IPO11: variants seen among roughly 807,000 people sequenced by gnomAD.
IPO11 encodes importin-11.
A neutral mutation model predicts 143.2 loss-of-function variants in IPO11; 66 were observed. The ratio of observed to expected loss-of-function variants is 0.46; its 90% CI spans 0.38 to 0.57. The LOEUF (loss-of-function observed/expected upper bound fraction) is 0.57, where lower values mean the gene tolerates loss of function less well. IPO11 is among the 20% of genes least tolerant of loss of function. The pLI is 0.00. For synonymous variants in IPO11, 385 were observed against 377.8 expected (o/e 1.02, Z -0.22); for missense variants, 1,026 against 1,141.0 (o/e 0.90, Z 1.45).
At chr5:62,503,745 C>T (rs938961534) in intron 16 of IPO11, among the ~76,000 whole-genome samples, 8 of 152,098 alleles carry the variant, frequency 5.3e-5, no homozygotes, top group Non-Finnish European at 1.2e-4. Context: ...TTAGAATCTG[C>T]GGATTTGGCA....
intron 9 of IPO11, 42 bp downstream of exon 9, chr5:62,476,795 T>G (rs758461547): frequency 7.0e-7 from 1 of 1,434,602 alleles, no homozygotes; most frequent in South Asian, 1.4e-5. Context: ...ATAATACACA[T>G]ATTCAGATTT....
chr5:62,598,549 C>CTTTCT (rs1301094879), intron 28 of IPO11, among the ~76,000 whole-genome samples: 1 of 12,206 alleles, frequency 8.2e-5, no homozygotes, highest in African/African-American at 1.0e-3. Flanking sequence ...TCTTTCTTTT[C>CTTTCT]TTTCTTTTTT....
At chr5:62,463,237 G>T (rs1745437553) in intron 5 of IPO11, among the ~76,000 whole-genome samples, 1 of 151,930 alleles carries the variant, frequency 6.6e-6, no homozygotes, top group African/African-American at 2.4e-5. Flanking sequence ...GTAGAAAAAG[G>T]GTCTCACTTT....
intron 1 of IPO11, among the ~76,000 whole-genome samples, chr5:62,425,840 A>C (rs867298997): frequency 6.6e-6 from 1 of 152,230 alleles, no homozygotes; most frequent in Non-Finnish European, 1.5e-5. Flanking sequence ...AAAGTAAATA[A>C]TACATTAGAC....
intron 29 of IPO11, among the ~76,000 whole-genome samples, chr5:62,607,216 A>G (rs1745755028): frequency 6.6e-6 from 1 of 152,216 alleles, no homozygotes; most frequent in Admixed American, 6.5e-5. Flanking sequence ...TTTTGGATCT[A>G]GAAGCTTTCT....
intron 22 of IPO11, among the ~76,000 whole-genome samples, chr5:62,534,016 A>G (rs915374019): frequency 6.6e-6 from 1 of 152,022 alleles, no homozygotes; most frequent in African/African-American, 2.4e-5. Context: ...TAAAGCCAAC[A>G]TTATAGAACA....
intron 27 of IPO11, among the ~76,000 whole-genome samples, chr5:62,573,900 A>G (rs1270180730): frequency 2.0e-5 from 3 of 152,118 alleles, no homozygotes; most frequent in African/African-American, 7.2e-5. Context: ...GAGTTCCCTT[A>G]GGGGTTATTT....
At chr5:62,551,019 G>GTATATATA (rs373267363) in intron 25 of IPO11, among the ~76,000 whole-genome samples, 61 of 144,350 alleles carry the variant, frequency 4.2e-4, no homozygotes, top group African/African-American at 1.3e-3. Context: ...TCTCTTTATT[G>GTATATATA]TATATATATA....
intron 27 of IPO11, among the ~76,000 whole-genome samples, chr5:62,589,684 G>A (rs940001416): frequency 6.6e-6 from 1 of 152,098 alleles, no homozygotes; most frequent in Non-Finnish European, 1.5e-5. Flanking sequence ...ACTGCCCTGG[G>A]CAATAATGAT....
At chr5:62,518,286 A>C (rs2112291391) in intron 20 of IPO11, among the ~76,000 whole-genome samples, 1 of 152,246 alleles carries the variant, frequency 6.6e-6, no homozygotes, top group East Asian at 1.9e-4. Flanking sequence ...TCTACTAAAA[A>C]TACAAAACTT....
At chr5:62,489,403 T>G in intron 14 of IPO11, 54 bp downstream of exon 14, 1 of 1,283,522 alleles carries the variant, frequency 7.8e-7, no homozygotes, top group South Asian at 1.4e-5. Flanking sequence ...AGATGGAGAG[T>G]CTGTTTTGTG....
chr5:62,550,212 T>C lies in IPO11; in HGVS notation c.2251-155T>C, dbSNP rs45560731. Among the ~76,000 whole-genome samples, 661 of 152,308 alleles carry C rather than the reference T, an allele frequency of 4.3e-3. 3 individuals are homozygous for C. Among genetic ancestry groups the C allele is most frequent in the Non-Finnish European group, 7.5e-3 (512 of 68,016 alleles). On this transcript the variant is annotated intron_variant, in intron 24 of 29. Transcript: ENST00000325324. Reference sequence around the variant, plus strand: ...TTTAAAATGGATTATCTTGTAAAAGTGTGTCTAGTGTCAGAATATTGCATA... The same window carrying C: ...TTTAAAATGGATTATCTTGTAAAAGCGTGTCTAGTGTCAGAATATTGCATA...
intron 1 of IPO11, among the ~76,000 whole-genome samples, chr5:62,419,390 A>G (rs931563407): frequency 5.9e-5 from 9 of 152,198 alleles, no homozygotes; most frequent in Non-Finnish European, 1.0e-4. Flanking sequence ...TAGTTTATAA[A>G]CTTTTTGTCT....
intron 29 of IPO11, among the ~76,000 whole-genome samples, chr5:62,620,315 T>C (rs560763646): frequency 1.1e-4 from 16 of 151,944 alleles, no homozygotes; most frequent in Admixed American, 3.3e-4. Context: ...GTCAGGAGAT[T>C]GAGACCATTC....
intron 24 of IPO11, among the ~76,000 whole-genome samples, chr5:62,539,375 G>T (rs1244339915): frequency 6.6e-6 from 1 of 152,108 alleles, no homozygotes; most frequent in African/African-American, 2.4e-5. Flanking sequence ...CTGTGTCTCT[G>T]TTTTGTTTTT....
At chr5:62,517,191 C>G (rs1265144539) in intron 20 of IPO11, among the ~76,000 whole-genome samples, 1 of 98,850 alleles carries the variant, frequency 1.0e-5, no homozygotes, top group Non-Finnish European at 2.1e-5. Context: ...GAGCAAGACT[C>G]CGTCTCAAAA....
rs935926818 is a variant in IPO11, at chr5:62,412,898, G to T, written c.-38G>T. 6.5e-6 allele frequency: 1 copy of T among 152,722 alleles called. No individual in the cohort carries two copies. The highest frequency in any genetic ancestry group is 2.4e-5 in the African/African-American group (1 of 41,464). The allele number at this position is 152,722 out of a possible 1,614,324, so 9.5% of individuals were successfully genotyped here. A position where few individuals can be genotyped will look rare whatever the true frequency, so the allele number is the denominator to read the frequency against. ...ACTTCGTGTTGGGAAGTGGGAGCGG[G>T]AGGGCCGGGCAATTCCCGACCGAAC... On this transcript the variant is annotated 5_prime_UTR_variant, in exon 1 of 30. Coordinates refer to ENST00000325324, the MANE Select transcript of IPO11 (RefSeq NM_016338.5).
At chr5:62,543,991 C>T (rs971135454) in intron 24 of IPO11, among the ~76,000 whole-genome samples, 10 of 151,964 alleles carry the variant, frequency 6.6e-5, no homozygotes, top group East Asian at 3.9e-4. Flanking sequence ...TGTAGTTGAG[C>T]GGTTTTGAGT....
intron 6 of IPO11, among the ~76,000 whole-genome samples, chr5:62,468,114 AT>A (rs1485236409): frequency 1.3e-5 from 2 of 151,918 alleles, no homozygotes; most frequent in Non-Finnish European, 2.9e-5. Flanking sequence ...CACCAGGCTG[AT>A]TTTTACATCT....
Sources: allele counts gnomAD v4.1 joint callset (sites outside exome capture counted in the v4.1 genomes callset), GRCh38; gene constraint gnomAD v4.1.1; transcripts MANE v1.5; gene names NCBI Gene and HGNC (gene_info 2026-07-23, HGNC 2026-07-21).